The following MALRD1 variants were observed in gnomAD, a reference collection of about 807,000 sequenced individuals.
The protein encoded by MALRD1 is MAM and LDL receptor class A domain containing 1.
Under a neutral mutation model 242.1 loss-of-function variants are expected in MALRD1, and 247 were observed. The observed-to-expected ratio is 1.02, with a 90% CI of 0.92 to 1.13. The LOEUF is 1.13. Ranked by LOEUF, MALRD1 falls within the 50% of genes most tolerant of loss-of-function variation. MALRD1 has a pLI of 0.00. For synonymous variants in MALRD1, 995 were observed against 866.6 expected (o/e 1.15, Z -2.60); for missense variants, 2,989 against 2,533.1 (o/e 1.18, Z -3.86).
chr10:19,475,181 C>G (rs917840559), intron 29 of MALRD1, among the ~76,000 whole-genome samples: 2 of 152,048 alleles, frequency 1.3e-5, no homozygotes, highest in African/African-American at 4.8e-5. Context: ...TTTGGGAGGC[C>G]GAGGCGGGCG....
At chr10:19,447,329 TGTTA>T (rs1378079694) in intron 28 of MALRD1, among the ~76,000 whole-genome samples, 33 of 152,300 alleles carry the variant, frequency 2.2e-4, no homozygotes, top group African/African-American at 7.9e-4. Flanking sequence ...TGAGTATTTT[TGTTA>T]GTTATAGGGA....
chr10:19,608,422 A>G (rs372223834), intron 35 of MALRD1, among the ~76,000 whole-genome samples: 3 of 152,044 alleles, frequency 2.0e-5, no homozygotes, highest in Non-Finnish European at 4.4e-5. Context: ...CTGACAGTAT[A>G]TATCTGTCAT....
intron 19 of MALRD1, among the ~76,000 whole-genome samples, chr10:19,260,390 C>G (rs1429830203): frequency 6.6e-6 from 1 of 151,984 alleles, no homozygotes; most frequent in Admixed American, 6.6e-5. Context: ...GAGACCATGG[C>G]TAAAAGACCA....
chr10:19,257,645 A>G, intron 18 of MALRD1, 39 bp from the exon 19 acceptor site: 1 of 1,386,368 alleles, frequency 7.2e-7, no homozygotes, highest in Non-Finnish European at 9.9e-7. Context: ...TACCACATAA[A>G]CACATTTCTT....
At chr10:19,175,114 G>A in intron 13 of MALRD1, 94 bp from the exon 14 acceptor site, 8 of 882,990 alleles carry the variant, frequency 9.1e-6, no homozygotes, top group Non-Finnish European at 1.2e-5. Flanking sequence ...GAATGGGACA[G>A]ATGTAAATAG....
chr10:19,573,130 C>A (rs1317978959), intron 33 of MALRD1, among the ~76,000 whole-genome samples: 1 of 152,162 alleles, frequency 6.6e-6, no homozygotes. Flanking sequence ...TGGGAAGGGA[C>A]CCCACTGAGC....
chr10:19,704,026 G>A (rs1833742456), intron 38 of MALRD1, among the ~76,000 whole-genome samples: 1 of 152,102 alleles, frequency 6.6e-6, no homozygotes. Flanking sequence ...TCTTTGACTG[G>A]GGAAACATTT....
chr10:19,502,781 A>C (rs529009032), intron 31 of MALRD1, among the ~76,000 whole-genome samples: 3 of 152,214 alleles, frequency 2.0e-5, no homozygotes, highest in African/African-American at 7.2e-5. Flanking sequence ...GTCTTCTGCT[A>C]TAATAATACT....
intron 21 of MALRD1, among the ~76,000 whole-genome samples, chr10:19,300,398 A>T (rs1054323779): frequency 8.5e-5 from 13 of 152,154 alleles, no homozygotes; most frequent in Middle Eastern, 6.8e-3. Context: ...AAAGAGCCTG[A>T]ATAGCAAGAG....
intron 36 of MALRD1, among the ~76,000 whole-genome samples, chr10:19,640,697 C>T (rs1840345918): frequency 6.6e-6 from 1 of 152,004 alleles, no homozygotes. Flanking sequence ...GTCACTGTTA[C>T]CCTGTGGTTA....
chr10:19,142,613 G>A (rs1156603258), intron 10 of MALRD1, among the ~76,000 whole-genome samples: 1 of 152,114 alleles, frequency 6.6e-6, no homozygotes, highest in Non-Finnish European at 1.5e-5. Context: ...ATCTCATACT[G>A]CGCTTAGAGA....
At chr10:19,598,830 A>G (rs2131569840) in intron 34 of MALRD1, among the ~76,000 whole-genome samples, 1 of 152,238 alleles carries the variant, frequency 6.6e-6, no homozygotes, top group East Asian at 1.9e-4. Context: ...GAAAAAGCAG[A>G]CATTGAAGAC....
At chr10:19,583,978 T>C (rs1224374921) in intron 33 of MALRD1, among the ~76,000 whole-genome samples, 2 of 152,152 alleles carry the variant, frequency 1.3e-5, no homozygotes, top group African/African-American at 4.8e-5. Context: ...GAGGAATTTA[T>C]GCATTTCTTC....
intron 33 of MALRD1, among the ~76,000 whole-genome samples, chr10:19,576,405 T>A (rs182690214): frequency 1.6e-4 from 24 of 152,310 alleles, no homozygotes; most frequent in African/African-American, 5.1e-4. Context: ...AGAATTAAGC[T>A]TGAAAATTCT....
At chr10:19,529,347 A>G (rs996875574) in intron 31 of MALRD1, among the ~76,000 whole-genome samples, 5 of 152,218 alleles carry the variant, frequency 3.3e-5, no homozygotes, top group African/African-American at 9.6e-5. Context: ...ATGTTGTTAC[A>G]TAAGTTGCTT....
rs147884229 is a variant in MALRD1, at chr10:19,730,334, A to C, written c.6315-372A>C. On this transcript the variant is annotated intron_variant, in intron 38 of 39. Transcript: ENST00000454679. ...ACTGTGCAGTGTAAAGGACTTCAAG[A>C]TGGCCTTTCTTTATCACTAGTACAG... 6.6e-3 allele frequency among the ~76,000 whole-genome samples: 1,006 copies of C among 152,282 alleles called. 3 individuals are homozygous for C. The highest frequency in any genetic ancestry group is 0.011 in the Non-Finnish European group (749 of 68,012).
chr10:19,492,927 T>C (rs1837555078), intron 30 of MALRD1, among the ~76,000 whole-genome samples: 1 of 152,228 alleles, frequency 6.6e-6, no homozygotes, highest in Non-Finnish European at 1.5e-5. Flanking sequence ...GATCTTATAC[T>C]GATGCTTCCA....
At chr10:19,047,542 A>G (rs1590354428), upstream of MALRD1, among the ~76,000 whole-genome samples, 1 of 152,152 alleles carries the variant, frequency 6.6e-6, no homozygotes, top group East Asian at 1.9e-4. Flanking sequence ...AAATGGAACT[A>G]TAAGGATAGT....
At chr10:19,511,438 T>C (rs1286138380) in intron 31 of MALRD1, among the ~76,000 whole-genome samples, 1 of 152,240 alleles carries the variant, frequency 6.6e-6, no homozygotes, top group African/African-American at 2.4e-5. Context: ...TCCAAGGCTT[T>C]ATTATCAAAT....
Sources: gnomAD v4.1 joint callset for allele counts (sites outside exome capture counted in the v4.1 genomes callset) on GRCh38, gnomAD v4.1.1 for gene constraint, MANE v1.5 for transcripts, NCBI Gene and HGNC (gene_info 2026-07-23, HGNC 2026-07-21) for gene names.